ITGA1: variants seen among roughly 807,000 people sequenced by gnomAD.
The protein encoded by ITGA1 is integrin alpha-1.
ITGA1 carries 85 observed loss-of-function variants against 145.9 expected under a neutral mutation model. That is an observed-to-expected ratio of 0.58 (90% CI 0.49 to 0.70). The LOEUF is 0.70. ITGA1 is among the 30% of genes least tolerant of loss of function. The pLI, the probability that ITGA1 is intolerant of heterozygous loss-of-function variation, is 0.00. For missense variants in ITGA1, 1,351 were observed against 1,418.7 expected (o/e 0.95, Z 0.77); for synonymous variants, 520 against 495.3 (o/e 1.05, Z -0.66).
At chr5:52,898,159 A>G (rs1040124401) in intron 10 of ITGA1, 80 bp from the exon 11 acceptor site, 8 of 934,048 alleles carry the variant, frequency 8.6e-6, no homozygotes, top group Admixed American at 3.2e-5. Flanking sequence ...CAGTATACCT[A>G]TACACATTGT....
At position 52,805,658 on chromosome 5, in the gene ITGA1, A is replaced by AT. The variant is rs1176375307; in HGVS notation, c.61+17250dup. 1.8e-4 allele frequency among the ~76,000 whole-genome samples: 27 copies of AT among 152,190 alleles called. No individual in the cohort carries two copies. The East Asian group carries it at 5.2e-3, about 29-fold the overall frequency. On this transcript the variant is annotated intron_variant, in intron 1 of 28. Coordinates refer to ENST00000282588, the MANE Select transcript of ITGA1 (RefSeq NM_181501.2). ...CAGTGGTGGTTAAATTTACTAAAAGATTTTTTCAGGATTCCCATAGTGCAG... is the reference window on the plus strand; with the variant it reads ...CAGTGGTGGTTAAATTTACTAAAAGATTTTTTTCAGGATTCCCATAGTGCAG...
Position 52,920,407 on chromosome 5 carries a change from A to G in ITGA1, c.2231A>G (p.Lys744Arg), listed in dbSNP as rs61748765. The change falls in exon 17 of 29, where the codon AAG (lysine) becomes AGG (arginine). Residue 744 changes from lysine (K) to arginine (R), a missense_variant. Transcript: ENST00000282588. Reference sequence around the variant, plus strand: ...TTTTTCTCTGGAACTCAAGAGAGAAAGGTTCAAAGGAACATCACAGTTCGA... The same window carrying G: ...TTTTTCTCTGGAACTCAAGAGAGAAGGGTTCAAAGGAACATCACAGTTCGA... ...RSFFSGTQER[K>R]VQRNITVRKS... 6.0e-4 allele frequency: 961 copies of G among 1,612,518 alleles called. 6 individuals carry two copies. The highest frequency in any genetic ancestry group is 2.7e-3 in the African/African-American group (206 of 74,984).
intron 1 of ITGA1, among the ~76,000 whole-genome samples, chr5:52,797,009 G>A (rs1029943486): frequency 2.6e-5 from 4 of 152,084 alleles, no homozygotes; most frequent in Non-Finnish European, 5.9e-5. Flanking sequence ...GGAAAAGTGG[G>A]AAGTAAATTT....
chr5:52,797,835 T>C (rs1438071751), intron 1 of ITGA1, among the ~76,000 whole-genome samples: 2 of 152,326 alleles, frequency 1.3e-5, no homozygotes, highest in Non-Finnish European at 1.5e-5. Context: ...AATTAGAGCA[T>C]AGGAAAGAAC....
intron 10 of ITGA1, 108 bp from the exon 11 acceptor site, chr5:52,898,131 A>T (rs752860108): frequency 8.2e-6 from 5 of 612,780 alleles, no homozygotes; most frequent in African/African-American, 1.9e-5. Context: ...TAAGCTAACA[A>T]ATGTAAAGCA....
intron 11 of ITGA1, chr5:52,902,080 C>CAG (rs757409521): frequency 2.6e-5 from 4 of 151,788 alleles, no homozygotes; most frequent in Non-Finnish European, 5.9e-5. Flanking sequence ...TGAGAAGAGA[C>CAG]TGAGTGTATT....
chr5:52,908,835 A>G, intron 12 of ITGA1, 63 bp from the exon 13 acceptor site: 2 of 1,568,030 alleles, frequency 1.3e-6, no homozygotes, highest in Non-Finnish European at 1.7e-6. Context: ...ACAAATGTAG[A>G]TTTCAGTTTC....
chr5:52,809,546 C>T (rs1349989490), intron 1 of ITGA1, among the ~76,000 whole-genome samples: 2 of 150,252 alleles, frequency 1.3e-5, no homozygotes, highest in East Asian at 2.0e-4. Flanking sequence ...TGCTCTATAC[C>T]CCAGGCTGGA....
chr5:52,871,973 TA>T (rs1377832834), intron 6 of ITGA1, among the ~76,000 whole-genome samples: 1 of 152,188 alleles, frequency 6.6e-6, no homozygotes, highest in Non-Finnish European at 1.5e-5. Flanking sequence ...ACATTGCTTT[TA>T]ATAATAAATG....
chr5:52,910,978 A>AT (rs1750505312), intron 14 of ITGA1, among the ~76,000 whole-genome samples: 2 of 128,824 alleles, frequency 1.6e-5, no homozygotes, highest in Non-Finnish European at 3.1e-5. Context: ...TACTATATAT[A>AT]GTATGTATAC....
Position 52,891,566 on chromosome 5 carries a change from A to T in ITGA1, c.925-2109A>T, listed in dbSNP as rs1040200550. The stretch of plus-strand genomic sequence containing the variant: ...TGTATCATGAACACTAAAAAAAAAA[A>T]AAAAAAAAAACCAAAGTGATAATCT... On this transcript the variant is annotated intron_variant, in intron 8 of 28. Transcript: ENST00000282588. Among the ~76,000 whole-genome samples the T allele has an allele frequency of 6.9e-4, 104 of 151,386 alleles. 2 individuals carry two copies. Among genetic ancestry groups the T allele is most frequent in the Admixed American group, 1.8e-3 (27 of 15,220 alleles).
chr5:52,852,473 G>C (rs1749444987), intron 2 of ITGA1, among the ~76,000 whole-genome samples: 1 of 152,192 alleles, frequency 6.6e-6, no homozygotes. Context: ...AGATGAATCA[G>C]TAAATCTTGG....
intron 1 of ITGA1, among the ~76,000 whole-genome samples, chr5:52,845,174 T>C (rs1178886688): frequency 1.3e-5 from 2 of 152,050 alleles, no homozygotes; most frequent in Admixed American, 1.3e-4. Context: ...GGTCTTATGT[T>C]GAGGAGGGGG....
At chr5:52,874,321 G>T (rs572669960) in intron 6 of ITGA1, among the ~76,000 whole-genome samples, 7 of 151,404 alleles carry the variant, frequency 4.6e-5, no homozygotes, top group Non-Finnish European at 7.4e-5. Flanking sequence ...AGTCCCTCTT[G>T]ACTCCTCTTT....
rs1751311663 is a variant in ITGA1 at position 52,956,795 on chromosome 5, T to G, written c.*4344T>G. Reference sequence around the variant, plus strand: ...TAAAGTCCTCACATGGATGCTGTATTTATAACTAAAATGTACAGTTTAATT... The same window carrying G: ...TAAAGTCCTCACATGGATGCTGTATGTATAACTAAAATGTACAGTTTAATT... On this transcript the variant is annotated 3_prime_UTR_variant, in exon 29 of 29. Transcript: ENST00000282588. The G allele has an allele frequency of 1.3e-5, 2 of 152,200 alleles. No individual in the cohort carries two copies. 9.4% of individuals were successfully genotyped at this position (152,200 alleles called of 1,614,324 possible). A position where few individuals can be genotyped will look rare whatever the true frequency, so the allele number is the denominator to read the frequency against.
At chr5:52,840,959 G>T (rs1749246187) in intron 1 of ITGA1, among the ~76,000 whole-genome samples, 1 of 152,152 alleles carries the variant, frequency 6.6e-6, no homozygotes, top group Non-Finnish European at 1.5e-5. Context: ...TCACTTTGAA[G>T]TTCAAATACC....
chr5:52,874,369 T>C (rs529477103), intron 6 of ITGA1, among the ~76,000 whole-genome samples: 4 of 151,590 alleles, frequency 2.6e-5, no homozygotes, highest in African/African-American at 4.8e-5. Context: ...CACCACTCCA[T>C]TGGAGACCAA....
At chr5:52,827,812 G>A (rs1003398609) in intron 1 of ITGA1, among the ~76,000 whole-genome samples, 16 of 152,082 alleles carry the variant, frequency 1.1e-4, no homozygotes, top group Admixed American at 8.5e-4. Flanking sequence ...TTAAGACTAA[G>A]GTATGCATAT....
At chr5:52,889,169 C>T (rs966196526) in intron 8 of ITGA1, among the ~76,000 whole-genome samples, 2 of 149,438 alleles carry the variant, frequency 1.3e-5, no homozygotes, top group East Asian at 1.9e-4. Flanking sequence ...GGCACGATCT[C>T]GGCTCACTGC....
Sources: allele counts gnomAD v4.1 joint callset (sites outside exome capture counted in the v4.1 genomes callset), GRCh38; gene constraint gnomAD v4.1.1; transcripts MANE v1.5; gene names NCBI Gene and HGNC (gene_info 2026-07-23, HGNC 2026-07-21).